Variants in MARCHF4 observed in about 807,000 individuals in gnomAD.
MARCHF4 encodes membrane associated ring-CH-type finger 4.
MARCHF4 carries 14 observed loss-of-function variants against 43.9 expected under a neutral mutation model. That is an observed-to-expected ratio of 0.32 (90% CI 0.21 to 0.50). The LOEUF (loss-of-function observed/expected upper bound fraction) is 0.50, where lower values mean the gene tolerates loss of function less well. Ranked by LOEUF, MARCHF4 falls within the 20% of genes least tolerant of loss-of-function variation. MARCHF4 has a pLI of 0.98. For missense variants in MARCHF4, 468 were observed against 536.7 expected, an observed-to-expected ratio of 0.87 and a Z score of 1.27; for synonymous variants, 226 against 213.3, an observed-to-expected ratio of 1.06 and a Z score of -0.52.
intron 1 of MARCHF4, among the ~76,000 whole-genome samples, chr2:216,357,840 G>A (rs950119523): frequency 2.0e-5 from 3 of 152,216 alleles, no homozygotes; most frequent in Non-Finnish European, 4.4e-5. Flanking sequence ...TTGAAAAATA[G>A]TAAGTATATC....
intron 1 of MARCHF4, among the ~76,000 whole-genome samples, chr2:216,286,578 G>C (rs971005708): frequency 2.0e-5 from 3 of 151,874 alleles, no homozygotes; most frequent in African/African-American, 7.2e-5. Flanking sequence ...TGTTAGAAAA[G>C]TTTAACTTTG....
chr2:216,358,997 C>A (rs1048559589), intron 1 of MARCHF4, among the ~76,000 whole-genome samples: 2 of 152,162 alleles, frequency 1.3e-5, no homozygotes, highest in African/African-American at 2.4e-5. Context: ...CTCAAGAATA[C>A]CCTCAGAACA....
At chr2:216,323,261 A>G (rs1441310446) in intron 1 of MARCHF4, among the ~76,000 whole-genome samples, 2 of 152,212 alleles carry the variant, frequency 1.3e-5, no homozygotes, top group Non-Finnish European at 2.9e-5. Context: ...GAGTCCTTCA[A>G]TCTGAAATGC....
intron 1 of MARCHF4, chr2:216,303,708 G>A (rs1365275792): frequency 1.3e-5 from 2 of 152,212 alleles, no homozygotes; most frequent in Non-Finnish European, 2.9e-5. Flanking sequence ...AAGTGAGCAA[G>A]TCTGTTCCTC....
intron 3 of MARCHF4, among the ~76,000 whole-genome samples, chr2:216,263,493 A>C (rs140791279): frequency 1.7e-5 from 1 of 58,886 alleles, no homozygotes; most frequent in Non-Finnish European, 5.3e-5. Context: ...AGGAGAGAGA[A>C]AGAGAGAGAG....
At position 216,369,848 on chromosome 2, in the gene MARCHF4, T is replaced by C. The variant is rs1692726069; in HGVS notation, c.413A>G (p.Asp138Gly). 6.2e-7 allele frequency: 1 copy of C among 1,613,868 alleles called. No individual in the cohort carries two copies. Among genetic ancestry groups the C allele is most frequent in the Non-Finnish European group, 8.5e-7 (1 of 1,180,012 alleles). ...ATCCTCGGTCTTCTCCTTACAGAAG[T>C]CATCTGAGGAGGCACTGCTGAGCAG... ...ASLLSSASSDDFCKEKTEDRY... is the reference protein window; with the variant it reads ...ASLLSSASSDGFCKEKTEDRY... The change falls in exon 1 of 4, where the codon GAC becomes GGC. Residue 138 changes from aspartate (D) to glycine (G), a missense_variant. Asp to Gly is a moderately conservative substitution (Grantham distance 94). Around this residue, in one of 3 missense-constraint regions of MARCHF4, gnomAD observed 158 missense variants for 251.1 expected, o/e 0.63. Transcript: ENST00000273067.
intron 1 of MARCHF4, chr2:216,303,288 C>T (rs1691524200): frequency 6.6e-6 from 1 of 152,388 alleles, no homozygotes. Flanking sequence ...ACAGCTCATT[C>T]CCTTCCACAC....
chr2:216,266,733 C>G (rs1249150861), intron 3 of MARCHF4, among the ~76,000 whole-genome samples: 1 of 152,190 alleles, frequency 6.6e-6, no homozygotes, highest in Admixed American at 6.5e-5. Flanking sequence ...TGTTAAGAAC[C>G]TGGACCAAAG....
chr2:216,344,413 G>A (rs1039990918), intron 1 of MARCHF4, among the ~76,000 whole-genome samples: 8 of 152,144 alleles, frequency 5.3e-5, no homozygotes, highest in African/African-American at 1.9e-4. Flanking sequence ...ACTCACAAAT[G>A]GGGAAGGGCC....
intron 1 of MARCHF4, among the ~76,000 whole-genome samples, chr2:216,312,873 C>CT (rs1691712465): frequency 1.3e-5 from 2 of 150,806 alleles, no homozygotes; most frequent in Non-Finnish European, 2.9e-5. Context: ...TGTGCAGAAG[C>CT]TTTTTTGGTT....
chr2:216,312,311 A>C (rs1204299407), intron 1 of MARCHF4, among the ~76,000 whole-genome samples: 1 of 152,198 alleles, frequency 6.6e-6, no homozygotes, highest in Non-Finnish European at 1.5e-5. Context: ...TGTCTATGTA[A>C]TATTCCAAGG....
chr2:216,276,862 G>A (rs1439057206), intron 3 of MARCHF4, among the ~76,000 whole-genome samples: 2 of 152,060 alleles, frequency 1.3e-5, no homozygotes, highest in African/African-American at 2.4e-5. Flanking sequence ...GGGGGAGGGA[G>A]GGGAAAGACC....
At chr2:216,346,170 G>C (rs900938962) in intron 1 of MARCHF4, among the ~76,000 whole-genome samples, 1 of 152,102 alleles carries the variant, frequency 6.6e-6, no homozygotes, top group African/African-American at 2.4e-5. Context: ...CTCACATCTT[G>C]GGAAATCTGT....
chr2:216,365,463 T>C (rs1510838), intron 1 of MARCHF4, among the ~76,000 whole-genome samples: 80,621 of 151,954 alleles, frequency 0.53, 23,191 homozygotes, highest in East Asian at 0.79. Flanking sequence ...AGCTGGGAGG[T>C]GGATTCACCT....
intron 1 of MARCHF4, among the ~76,000 whole-genome samples, chr2:216,329,979 G>A (rs139425172): frequency 3.9e-5 from 6 of 152,080 alleles, no homozygotes; most frequent in African/African-American, 1.4e-4. Context: ...AGCTACTTGG[G>A]AGGCTGAGGC....
chr2:216,368,531 C>T (rs1272556154), intron 1 of MARCHF4, among the ~76,000 whole-genome samples: 1 of 152,178 alleles, frequency 6.6e-6, no homozygotes, highest in Non-Finnish European at 1.5e-5. Context: ...AGTTCTTTGT[C>T]CATTGAGAGC....
chr2:216,347,555 C>T (rs957203525), intron 1 of MARCHF4, among the ~76,000 whole-genome samples: 9 of 151,914 alleles, frequency 5.9e-5, no homozygotes, highest in South Asian at 2.1e-4. Context: ...TGATGAAACC[C>T]CATCTCTACT....
intron 1 of MARCHF4, among the ~76,000 whole-genome samples, chr2:216,298,256 G>GTTTTTTTTT (rs559410456): frequency 4.5e-5 from 3 of 66,764 alleles, no homozygotes; most frequent in Non-Finnish European, 8.1e-5. Flanking sequence ...AGTCTTTTAG[G>GTTTTTTTTT]TTTTTTTTTT....
intron 3 of MARCHF4, among the ~76,000 whole-genome samples, chr2:216,273,109 C>T (rs116456571): frequency 0.014 from 2,163 of 152,338 alleles, 59 homozygotes; most frequent in African/African-American, 0.049. Flanking sequence ...CCTGGCAGGG[C>T]GTATCTGCAG....
Sources: allele counts gnomAD v4.1 joint callset (sites outside exome capture counted in the v4.1 genomes callset), GRCh38; gene constraint gnomAD v4.1.1; regional missense constraint gnomAD v4.1.1; transcripts MANE v1.5; gene names NCBI Gene and HGNC (gene_info 2026-07-23, HGNC 2026-07-21).